SWI5: variants seen among roughly 807,000 people sequenced by gnomAD.
SWI5 encodes DNA repair protein SWI5 homolog.
A neutral mutation model predicts 17.0 loss-of-function variants in SWI5; 12 were observed. The observed-to-expected ratio is 0.71, with a 90% CI of 0.45 to 1.14. SWI5 has a LOEUF of 1.14. SWI5 is among the 50% of genes most tolerant of loss of function. SWI5 has a pLI of 0.00. For synonymous variants in SWI5, 61 were observed against 64.0 expected (o/e 0.95, Z 0.22); for missense variants, 158 against 162.2 (o/e 0.97, Z 0.14).
At chr9:128,276,011 C>T (rs1831341751), upstream of SWI5, 6 of 1,593,580 alleles carry the variant, frequency 3.8e-6, no homozygotes, top group Non-Finnish European at 5.1e-6. Context: ...GGAAGTCAGT[C>T]AGCCACCGCG....
intron 4 of SWI5, among the ~76,000 whole-genome samples, chr9:128,288,406 T>C (rs1042136649): frequency 5.9e-5 from 9 of 152,176 alleles, no homozygotes; most frequent in Non-Finnish European, 1.2e-4. Context: ...TGTAGGTCCA[T>C]TGTTGAATAC....
chr9:128,287,884 A>G (rs1180081303), intron 4 of SWI5, among the ~76,000 whole-genome samples: 3 of 152,026 alleles, frequency 2.0e-5, no homozygotes, highest in African/African-American at 7.2e-5. Context: ...TTCAGTGAAC[A>G]TTTACTGAGC....
At chr9:128,287,090 G>A (rs1212374902) in intron 4 of SWI5, among the ~76,000 whole-genome samples, 1 of 143,394 alleles carries the variant, frequency 7.0e-6, no homozygotes, top group African/African-American at 2.6e-5. Flanking sequence ...GTGGTGAGCT[G>A]AGATCATGCC....
rs1263049483 is a variant in SWI5 at position 128,280,769 on chromosome 9, C to T, written c.112-3741C>T. ...CCTGACCTCGTGATCCTCCCGCCTC[C>T]GCCTCCCAAAGTGCTGGGATTACAG... On this transcript the variant is annotated intron_variant, in intron 2 of 4. Coordinates refer to ENST00000418976, the Ensembl canonical transcript of SWI5. Among the ~76,000 whole-genome samples the T allele has an allele frequency of 3.3e-5, 5 of 152,080 alleles. No homozygotes were observed. In the South Asian group the frequency reaches 6.2e-4, roughly 19 times the overall value.
intron 2 of SWI5, among the ~76,000 whole-genome samples, chr9:128,281,028 C>CTTTTTTT (rs11306272): frequency 2.3e-5 from 1 of 43,758 alleles, no homozygotes; most frequent in Non-Finnish European, 4.3e-5. Context: ...TTCAACCATG[C>CTTTTTTT]TTTTTTTTTT....
At chr9:128,276,006 T>A (rs1458552400), upstream of SWI5, 2 of 1,593,608 alleles carry the variant, frequency 1.3e-6, no homozygotes, top group East Asian at 4.5e-5. Context: ...ACTGCGGAAG[T>A]CAGTCAGCCA....
At chr9:128,279,613 A>G (rs1319964648) in intron 2 of SWI5, among the ~76,000 whole-genome samples, 1 of 152,202 alleles carries the variant, frequency 6.6e-6, no homozygotes, top group Non-Finnish European at 1.5e-5. Context: ...ACCACTATCT[A>G]CTATGAACTT....
chr9:128,279,984 G>A (rs1002342036), intron 2 of SWI5, among the ~76,000 whole-genome samples: 1 of 152,084 alleles, frequency 6.6e-6, no homozygotes, highest in Non-Finnish European at 1.5e-5. Flanking sequence ...GTTATTCTTA[G>A]GTTATATTAG....
upstream of SWI5, chr9:128,275,400 G>A: frequency 3.1e-6 from 4 of 1,286,080 alleles, no homozygotes; most frequent in African/African-American, 1.5e-5. Flanking sequence ...CCAAGTCGCC[G>A]CTCCGCGATG....
chr9:128,278,961 C>T (rs897615413), intron 2 of SWI5, among the ~76,000 whole-genome samples: 3 of 151,604 alleles, frequency 2.0e-5, no homozygotes, highest in Non-Finnish European at 4.4e-5. Context: ...TTAGTAGAGA[C>T]GGTTTTGCCA....
chr9:128,284,378 G>A, intron 2 of SWI5, 132 bp from the exon 3 acceptor site: 1 of 1,045,418 alleles, frequency 9.6e-7, no homozygotes, highest in Non-Finnish European at 1.3e-6. Context: ...GGAAGGCTTG[G>A]AAATGCAGTC....
chr9:128,276,178 T>C (rs369988723), upstream of SWI5: 126 of 1,579,704 alleles, frequency 8.0e-5, no homozygotes, highest in Middle Eastern at 6.8e-4. Context: ...ACCTGTGGCG[T>C]CACAACAAAA....
At position 128,283,422 on chromosome 9, in the gene SWI5, G is replaced by A. The variant is rs576118453; in HGVS notation, c.112-1088G>A. ...TGAGGCAGGAGAATTACTTGAACCC[G>A]GGAGGCGGAGGTTGCAGTGAGCCAG... On this transcript the variant is annotated intron_variant, in intron 2 of 4. Coordinates refer to ENST00000418976, the Ensembl canonical transcript of SWI5. 2.6e-5 allele frequency among the ~76,000 whole-genome samples: 4 copies of A among 152,312 alleles called. 1 individual carries two copies. Among genetic ancestry groups the A allele is most frequent in the East Asian group, 3.9e-4 (2 of 5,184 alleles).
Position 128,285,347 on chromosome 9 carries a change from TAGC to T in SWI5, c.234-585_234-583del, listed in dbSNP as rs1372151927. ...GGACTATGCTTCTGGATTCAGGACA[TAGC>T]AGCAGCCTCTCAGGTAGGGAGATGC... is the stretch of plus-strand genomic sequence containing the variant. On this transcript the variant is annotated intron_variant, in intron 3 of 4. Transcript: ENST00000418976. The surrounding 1 kb of genome is among the most constrained non-coding windows in gnomAD (Gnocchi z 4.8). Among the ~76,000 whole-genome samples the T allele has an allele frequency of 6.6e-6, 1 of 152,084 alleles. No individual in the cohort carries two copies. Among genetic ancestry groups the T allele is most frequent in the Non-Finnish European group, 1.5e-5 (1 of 67,998 alleles).
At chr9:128,286,465 G>A (rs535091936) in intron 4 of SWI5, 23 of 165,186 alleles carry the variant, frequency 1.4e-4, no homozygotes, top group Non-Finnish European at 2.4e-4. Context: ...GGCTTTAGCC[G>A]AGGCACCAAC....
chr9:128,286,871 C>T (rs1320611204), intron 4 of SWI5, among the ~76,000 whole-genome samples: 2 of 151,998 alleles, frequency 1.3e-5, no homozygotes, highest in African/African-American at 2.4e-5. Flanking sequence ...CTCAGCCGGG[C>T]GCAGTGGCTC....
exon 1 of SWI5, chr9:128,276,277 G>C (rs375624870): frequency 1.9e-6 from 3 of 1,612,746 alleles, no homozygotes; most frequent in Non-Finnish European, 2.5e-6. Context: ...CTGTGCGCCA[G>C]TTCACACTCC....
At chr9:128,275,978 A>G, upstream of SWI5, 1 of 1,598,306 alleles carries the variant, frequency 6.3e-7, no homozygotes, top group South Asian at 1.1e-5. Context: ...GGGCCACATC[A>G]GCGCGATCCC....
intron 2 of SWI5, chr9:128,278,514 C>T (rs367915176): frequency 5.1e-6 from 2 of 389,308 alleles, no homozygotes; most frequent in East Asian, 7.7e-5. Flanking sequence ...TTGCAGTGAG[C>T]CGAGATCACC....
Sources: gnomAD v4.1 joint callset for allele counts (sites outside exome capture counted in the v4.1 genomes callset) on GRCh38, gnomAD v4.1.1 for gene constraint, Gnocchi (gnomAD v3.1) non-coding constraint, MANE v1.5 for transcripts, NCBI Gene and HGNC (gene_info 2026-07-23, HGNC 2026-07-21) for gene names.